Variants in MEIS1 observed in about 807,000 individuals in gnomAD.
MEIS1 encodes Meis homeobox 1.
MEIS1 carries 5 observed loss-of-function variants against 50.8 expected under a neutral mutation model. That is an observed-to-expected ratio of 0.10 (90% confidence interval 0.05 to 0.21). The LOEUF is 0.21. Among genes scored for constraint, MEIS1 ranks in the 10% least tolerant of loss-of-function variants. The probability of loss-of-function intolerance (pLI) is 1.00; values close to 1 mark genes in which losing one functional copy is unlikely to be tolerated. For synonymous variants in MEIS1, 176 were observed against 179.3 expected, an observed-to-expected ratio of 0.98 and a Z score of 0.15; for missense variants, 318 against 517.3, an observed-to-expected ratio of 0.61 and a Z score of 3.74.
intron 7 of MEIS1, among the ~76,000 whole-genome samples, chr2:66,506,760 A>G (rs1673693039): frequency 1.3e-5 from 2 of 152,172 alleles, no homozygotes; most frequent in African/African-American, 4.8e-5. Context: ...CTTGCCATAT[A>G]TCCTCTTAAC....
chr2:66,474,583 T>A (rs1347867330), intron 7 of MEIS1, among the ~76,000 whole-genome samples: 1 of 151,964 alleles, frequency 6.6e-6, no homozygotes, highest in Non-Finnish European at 1.5e-5. Flanking sequence ...AAAAAAAAAA[T>A]GTAGGCATGG....
chr2:66,535,692 A>G (rs1328550790), intron 8 of MEIS1, among the ~76,000 whole-genome samples: 1 of 152,182 alleles, frequency 6.6e-6, no homozygotes, highest in Non-Finnish European at 1.5e-5. Context: ...ATTCACATCA[A>G]TAAATGCTTT....
At chr2:66,523,386 T>G (rs1033983015) in intron 8 of MEIS1, among the ~76,000 whole-genome samples, 1 of 152,228 alleles carries the variant, frequency 6.6e-6, no homozygotes, top group Admixed American at 6.5e-5. Flanking sequence ...TATATTAAAT[T>G]ACAGACAATA....
chr2:66,566,226 A>G (rs188879044), intron 9 of MEIS1, among the ~76,000 whole-genome samples: 61 of 152,352 alleles, frequency 4.0e-4, no homozygotes, highest in African/African-American at 1.3e-3. Flanking sequence ...AGATAATGAA[A>G]GAACACAAGG....
rs762002358 is a variant in MEIS1 at position 66,571,356 on chromosome 2, C to T, written c.*148C>T. 1.5e-5 allele frequency: 24 copies of T among 1,600,880 alleles called. No homozygotes were observed. The highest frequency in any genetic ancestry group is 1.7e-4 in the Middle Eastern group (1 of 6,048). On this transcript the variant is annotated 3_prime_UTR_variant, in exon 13 of 13. Coordinates refer to ENST00000272369, the MANE Select transcript of MEIS1 (RefSeq NM_002398.3). Reference sequence around the variant, plus strand: ...GATGCCCCCCCATCCTGCTCAGCTGCGTCATGGGCCCCCCATGCATACGTA... The same window carrying T: ...GATGCCCCCCCATCCTGCTCAGCTGTGTCATGGGCCCCCCATGCATACGTA...
At chr2:66,550,741 AC>A (rs1674899661) in intron 9 of MEIS1, among the ~76,000 whole-genome samples, 1 of 151,932 alleles carries the variant, frequency 6.6e-6, no homozygotes, top group African/African-American at 2.4e-5. Context: ...CAAGAGATCC[AC>A]CCACTTCAGC....
intron 9 of MEIS1, among the ~76,000 whole-genome samples, chr2:66,553,551 G>A (rs1038026193): frequency 5.9e-5 from 9 of 152,238 alleles, no homozygotes; most frequent in African/African-American, 2.2e-4. Context: ...CTGAGACAGA[G>A]CTGGCGGGGC....
intron 6 of MEIS1, among the ~76,000 whole-genome samples, chr2:66,456,692 T>G (rs1302349150): frequency 6.6e-6 from 1 of 151,638 alleles, no homozygotes; most frequent in African/African-American, 2.4e-5. Flanking sequence ...GGTAAGCGAG[T>G]GAGGGAGGGG....
intron 7 of MEIS1, among the ~76,000 whole-genome samples, chr2:66,505,398 A>C (rs1673662916): frequency 6.6e-6 from 1 of 152,170 alleles, no homozygotes; most frequent in South Asian, 2.1e-4. Context: ...AGAGTGAAAC[A>C]CTGTCTCTTA....
intron 6 of MEIS1, among the ~76,000 whole-genome samples, chr2:66,456,420 A>G (rs970417000): frequency 1.3e-5 from 2 of 152,176 alleles, no homozygotes; most frequent in Non-Finnish European, 2.9e-5. Flanking sequence ...CATAACCAAG[A>G]TGCATTTCTA....
intron 7 of MEIS1, among the ~76,000 whole-genome samples, chr2:66,490,230 G>A (rs956728360): frequency 2.0e-5 from 3 of 152,212 alleles, no homozygotes; most frequent in African/African-American, 7.2e-5. Context: ...GTTAGTTCCT[G>A]CAAAACTGAG....
At chr2:66,524,759 G>A (rs917069902) in intron 8 of MEIS1, among the ~76,000 whole-genome samples, 5 of 151,644 alleles carry the variant, frequency 3.3e-5, no homozygotes, top group African/African-American at 1.2e-4. Flanking sequence ...ACATTTCTCC[G>A]AACTTGTCAA....
At chr2:66,442,246 T>C (rs1672005514) in intron 5 of MEIS1, among the ~76,000 whole-genome samples, 1 of 150,584 alleles carries the variant, frequency 6.6e-6, no homozygotes, top group Non-Finnish European at 1.5e-5. Context: ...CTTAAATATT[T>C]TGAGGCATTC....
Position 66,496,754 on chromosome 2 carries a change from AG to A in MEIS1, c.743-15393del, listed in dbSNP as rs1374814254. 2.0e-5 allele frequency among the ~76,000 whole-genome samples: 3 copies of A among 151,530 alleles called. No homozygotes were observed. The East Asian group carries it at 5.9e-4, about 30-fold the overall frequency. On this transcript the variant is annotated intron_variant, in intron 7 of 12. Coordinates refer to ENST00000272369, the MANE Select transcript of MEIS1 (RefSeq NM_002398.3). The stretch of plus-strand genomic sequence containing the variant: ...TTGCTCAAGTTCCAACCCTTACATG[AG>A]GTTTTTCTGTATGATTTTCTCCTTT...
chr2:66,471,371 T>C (rs140838253), intron 7 of MEIS1, among the ~76,000 whole-genome samples: 109 of 152,360 alleles, frequency 7.2e-4, no homozygotes, highest in African/African-American at 2.5e-3. Context: ...AAGTCACAAT[T>C]CTGCTTTCCC....
chr2:66,485,403 C>A (rs1673118373), intron 7 of MEIS1, among the ~76,000 whole-genome samples: 1 of 152,154 alleles, frequency 6.6e-6, no homozygotes, highest in African/African-American at 2.4e-5. Flanking sequence ...TGGTTTCCAG[C>A]TTCATCCATG....
intron 9 of MEIS1, among the ~76,000 whole-genome samples, chr2:66,565,480 A>T (rs1675324931): frequency 1.3e-5 from 2 of 152,162 alleles, no homozygotes; most frequent in African/African-American, 4.8e-5. Flanking sequence ...GATGAGTGGC[A>T]CTATAGTTGC....
At chr2:66,457,345 T>C (rs1438715765) in intron 6 of MEIS1, among the ~76,000 whole-genome samples, 1 of 152,070 alleles carries the variant, frequency 6.6e-6, no homozygotes, top group Non-Finnish European at 1.5e-5. Context: ...GTTTTGGTTA[T>C]CAAGCAGATA....
chr2:66,508,912 C>T (rs1331684808), intron 7 of MEIS1: 2 of 428,652 alleles, frequency 4.7e-6, no homozygotes, highest in Admixed American at 3.0e-5. Flanking sequence ...TTCAGTTTGC[C>T]TTCATTTGGC....
Sources: gnomAD v4.1 joint callset for allele counts (sites outside exome capture counted in the v4.1 genomes callset) on GRCh38, gnomAD v4.1.1 for gene constraint, MANE v1.5 for transcripts, NCBI Gene and HGNC (gene_info 2026-07-23, HGNC 2026-07-21) for gene names.